The following FAM227B variants were observed in gnomAD, a reference collection of about 807,000 sequenced individuals.
FAM227B encodes protein FAM227B.
In FAM227B, 88 loss-of-function variants were observed where a neutral mutation model predicts 73.8. The observed-to-expected ratio is 1.19, with a 90% CI of 1.00 to 1.42. The LOEUF is 1.42. Among genes scored for constraint, FAM227B ranks in the 40% most tolerant of loss-of-function variants. The pLI, the probability that FAM227B is intolerant of heterozygous loss-of-function variation, is 0.00. For synonymous variants in FAM227B, 210 were observed against 190.5 expected, an observed-to-expected ratio of 1.10 and a Z score of -0.84; for missense variants, 632 against 590.9, an observed-to-expected ratio of 1.07 and a Z score of -0.72.
chr15:49,508,309 A>C lies in FAM227B; in HGVS notation c.914T>G (p.Leu305Arg), dbSNP rs1339721749. Reference sequence around the variant, plus strand: ...AATGGTGGTTGTGGAGAGTTCTTTCAGTTTCCAGTGGATCCAAAAGCCTTT... The same window carrying C: ...AATGGTGGTTGTGGAGAGTTCTTTCCGTTTCCAGTGGATCCAAAAGCCTTT... ...PQKGFWIHWK[L>R]KELSTTTIHG... Residue 305 changes from leucine (L) to arginine (R), a missense_variant, in exon 11 of 16, where the codon CTG (leucine) becomes CGG (arginine). Leu to Arg is a moderately radical substitution (Grantham distance 102). Coordinates refer to ENST00000299338, the MANE Select transcript of FAM227B (RefSeq NM_152647.3). The C allele has an allele frequency of 2.5e-6, 4 of 1,608,964 alleles. No individual in the cohort carries two copies. The African/African-American group carries it at 5.4e-5, about 22-fold the overall frequency.
intron 11 of FAM227B, among the ~76,000 whole-genome samples, chr15:49,506,697 C>T (rs2058612184): frequency 2.6e-5 from 4 of 151,804 alleles, no homozygotes; most frequent in Admixed American, 6.6e-5. Flanking sequence ...CTAAATAACC[C>T]TACTTTGACC....
intron 11 of FAM227B, among the ~76,000 whole-genome samples, chr15:49,386,810 G>A (rs757390542): frequency 7.3e-5 from 11 of 151,668 alleles, no homozygotes; most frequent in Non-Finnish European, 1.0e-4. Context: ...AATGAAACTG[G>A]AGACATTACA....
chr15:49,374,808 TG>T (rs2046054945), intron 11 of FAM227B, among the ~76,000 whole-genome samples: 1 of 152,336 alleles, frequency 6.6e-6, no homozygotes, highest in African/African-American at 2.4e-5. Context: ...CTTCCCAAAG[TG>T]GTAGGATTAC....
intron 11 of FAM227B, chr15:49,485,915 A>C (rs913505675): frequency 2.6e-5 from 4 of 152,030 alleles, no homozygotes; most frequent in African/African-American, 9.7e-5. Flanking sequence ...TTCCTGTTAG[A>C]TGGCAAGAGC....
At chr15:49,447,730 T>A (rs900397727) in intron 11 of FAM227B, among the ~76,000 whole-genome samples, 1 of 151,640 alleles carries the variant, frequency 6.6e-6, no homozygotes, top group African/African-American at 2.4e-5. Flanking sequence ...CTTGAGAAAA[T>A]TTTTATGTGG....
chr15:49,402,606 A>G (rs2048244405), intron 11 of FAM227B, among the ~76,000 whole-genome samples: 1 of 152,212 alleles, frequency 6.6e-6, no homozygotes, highest in Non-Finnish European at 1.5e-5. Flanking sequence ...GTATATAGGA[A>G]TGATAGCAAT....
At chr15:49,511,768 T>G (rs544717550) in intron 10 of FAM227B, among the ~76,000 whole-genome samples, 1 of 152,272 alleles carries the variant, frequency 6.6e-6, no homozygotes, top group East Asian at 1.9e-4. Flanking sequence ...TCCATATCCT[T>G]GCAAAGGACA....
At chr15:49,367,743 T>C in intron 12 of FAM227B, 135 bp from the exon 13 acceptor site, 2 of 834,292 alleles carry the variant, frequency 2.4e-6, no homozygotes, top group Non-Finnish European at 3.5e-6. Flanking sequence ...ACAAAGCATC[T>C]TCTTAATTAG....
At chr15:49,522,139 A>G (rs1289701934) in intron 10 of FAM227B, among the ~76,000 whole-genome samples, 1 of 152,176 alleles carries the variant, frequency 6.6e-6, no homozygotes, top group South Asian at 2.1e-4. Context: ...CTACAACAGG[A>G]GCCATTTGAG....
intron 13 of FAM227B, among the ~76,000 whole-genome samples, chr15:49,338,357 A>G (rs2040129950): frequency 1.3e-5 from 2 of 152,186 alleles, no homozygotes; most frequent in African/African-American, 4.8e-5. Context: ...CCTTGTCTGT[A>G]AAGATTTTAT....
chr15:49,422,794 T>C, intron 11 of FAM227B: 1 of 1,282,346 alleles, frequency 7.8e-7, no homozygotes. Flanking sequence ...ATATTCAACT[T>C]ATCTACACAG....
At chr15:49,567,508 T>C (rs1567596466) in intron 9 of FAM227B, among the ~76,000 whole-genome samples, 1 of 152,156 alleles carries the variant, frequency 6.6e-6, no homozygotes, top group Non-Finnish European at 1.5e-5. Context: ...TATAAATATT[T>C]GGCAAATTTG....
At chr15:49,335,326 C>T in intron 14 of FAM227B, 93 bp downstream of exon 14, 1 of 783,690 alleles carries the variant, frequency 1.3e-6, no homozygotes, top group Non-Finnish European at 2.1e-6. Context: ...CTCTCCTCAT[C>T]ATTAAGGAAC....
intron 11 of FAM227B, among the ~76,000 whole-genome samples, chr15:49,482,245 CTTTA>C (rs1244227216): frequency 1.3e-5 from 2 of 151,836 alleles, no homozygotes; most frequent in South Asian, 2.1e-4. Context: ...TGAGATTTTA[CTTTA>C]TTTAGTGTGT....
chr15:49,576,496 T>TA (rs1393979826), intron 7 of FAM227B: 4 of 327,030 alleles, frequency 1.2e-5, no homozygotes, highest in African/African-American at 8.7e-5. Context: ...AAACACCTGT[T>TA]ACGGTTACAT....
chr15:49,493,888 A>ATATATATATG (rs146161182), intron 11 of FAM227B, among the ~76,000 whole-genome samples: 4,300 of 148,756 alleles, frequency 0.029, 46 homozygotes, highest in African/African-American at 0.033. Context: ...ATATATATAT[A>ATATATATATG]TGTGTGTGTG....
At chr15:49,489,860 T>TTATATA (rs796167274) in intron 11 of FAM227B, among the ~76,000 whole-genome samples, 29 of 6,810 alleles carry the variant, frequency 4.3e-3, no homozygotes, top group East Asian at 0.026. Flanking sequence ...TATATATATT[T>TTATATA]TATATATATA....
chr15:49,496,501 T>A (rs968643462), intron 11 of FAM227B, among the ~76,000 whole-genome samples: 2 of 152,208 alleles, frequency 1.3e-5, no homozygotes, highest in African/African-American at 4.8e-5. Flanking sequence ...AACAATACAC[T>A]GCTTAAGAGG....
intron 11 of FAM227B, among the ~76,000 whole-genome samples, chr15:49,433,068 A>G (rs1262267638): frequency 6.6e-6 from 1 of 151,336 alleles, no homozygotes. Context: ...GAAATGTTTC[A>G]TTTACTGGCT....
Sources: gnomAD v4.1 joint callset for allele counts (sites outside exome capture counted in the v4.1 genomes callset) on GRCh38, gnomAD v4.1.1 for gene constraint, MANE v1.5 for transcripts, NCBI Gene and HGNC (gene_info 2026-07-23, HGNC 2026-07-21) for gene names.